ADAT3: variants seen among roughly 807,000 people sequenced by gnomAD.
ADAT3 encodes the protein adenosine deaminase tRNA specific 3, also known as tRNA-specific adenosine-34 deaminase regulatory subunit ADAT3.
ADAT3 carries 2 observed loss-of-function variants against 3.5 expected under a neutral mutation model. The observed-to-expected ratio is 0.57, with a 90% CI of 0.23 to 1.79. The LOEUF (loss-of-function observed/expected upper bound fraction) is 1.79. ADAT3 is among the 40% of genes most tolerant of loss of function. The pLI is 0.18. For missense variants in ADAT3, 735 were observed against 571.4 expected (o/e 1.29, Z -2.92); for synonymous variants, 358 against 270.3 (o/e 1.32, Z -3.18).
intron 1 of ADAT3, among the ~76,000 whole-genome samples, chr19:1,909,951 A>AG (rs999701136): frequency 8.5e-5 from 13 of 152,154 alleles, no homozygotes; most frequent in African/African-American, 2.9e-4. Flanking sequence ...TTGGCCGACT[A>AG]GGGGGCGAGT....
chr19:1,907,583 C>T (rs979767956), intron 1 of ADAT3, among the ~76,000 whole-genome samples: 8 of 152,086 alleles, frequency 5.3e-5, no homozygotes, highest in African/African-American at 1.9e-4. Flanking sequence ...CGGACCTTGG[C>T]CTCCTCATCT....
rs146194023 is a variant in ADAT3, at chr19:1,911,297, G to A, written c.-158-593G>A. On this transcript the variant is annotated intron_variant, in intron 1 of 1. Coordinates refer to ENST00000329478, the MANE Select transcript of ADAT3 (RefSeq NM_138422.4). ...AGTGCTCCTCCTGTTTCAGCTTCTC[G>A]AGTAGCTGAAACCACCGGTGTGTGC... Among the ~76,000 whole-genome samples the A allele has an allele frequency of 1.1e-4, 17 of 151,896 alleles. No homozygotes were observed. In the South Asian group the frequency reaches 2.9e-3, roughly 26 times the overall value.
rs1004845534 is a variant in ADAT3, at chr19:1,908,961, C to T, written c.-158-2929C>T. On this transcript the variant is annotated intron_variant, in intron 1 of 1. Transcript: ENST00000329478. This position sits in a 1 kb window ranked among gnomAD's most constrained non-coding sequence, Gnocchi z 4.2. ...CTCTACTGAAAATACAAAAATTAGC[C>T]GGGCGTGGTGGCATGTGCCTGTATT... Among the ~76,000 whole-genome samples, 3 of 152,022 alleles carry T rather than the reference C, an allele frequency of 2.0e-5. No homozygotes were observed. The highest frequency in any genetic ancestry group is 2.1e-4 in the South Asian group (1 of 4,834).
In ADAT3 at chr19:1,912,548, C is replaced by T. The variant is rs1038237596; in HGVS notation, c.501C>T (p.His167=). Residue 167 remains histidine (H), a synonymous_variant, in exon 2 of 2, where the codon CAC becomes CAT. Transcript: ENST00000329478. ...GGGCCCACTGGCCCACGTCCTTCCA[C>T]GAGGACAAGCAGGTGACCAGCGCCC... ...EARAHWPTSF[H]EDKQVTSALA... is the part of the protein sequence containing the mutation. The T allele has an allele frequency of 6.0e-6, 9 of 1,500,478 alleles. No homozygotes were observed. The Admixed American group carries it at 1.3e-4, about 21-fold the overall frequency. 92.9% of individuals were successfully genotyped at this position (1,500,478 alleles called of 1,614,324 possible).
At chr19:1,907,771 C>T (rs1333677842) in intron 1 of ADAT3, among the ~76,000 whole-genome samples, 2 of 152,094 alleles carry the variant, frequency 1.3e-5, no homozygotes, top group Non-Finnish European at 1.5e-5. Flanking sequence ...GGTCGCCTGC[C>T]TTCTGGGTGG....
Position 1,905,493 on chromosome 19 carries a change from G to A in ADAT3, c.-159+54G>A, listed in dbSNP as rs540046498. On this transcript the variant is annotated intron_variant, in intron 1 of 1. Transcript: ENST00000329478. ...TCTCCAGGCTCAGACTTCCCCAGAG[G>A]GGGAGTAGGGGCTGACATGGGGGGT... 4.4e-4 allele frequency: 192 copies of A among 434,982 alleles called. 3 individuals carry two copies. The East Asian group carries it at 4.9e-3, about 11-fold the overall frequency. The allele number at this position is 434,982 out of a possible 1,614,324, so 26.9% of individuals were successfully genotyped here.
rs774018779 is a variant in ADAT3, at chr19:1,912,820, A to C, written c.773A>C (p.Asp258Ala). The C allele has an allele frequency of 1.4e-5, 23 of 1,587,720 alleles. No individual in the cohort carries two copies. Among genetic ancestry groups the C allele is most frequent in the Non-Finnish European group, 1.9e-5 (22 of 1,174,516 alleles). The change falls in exon 2 of 2, where the codon GAC (aspartate) becomes GCC (alanine). Residue 258 changes from aspartate (D) to alanine (A), a missense_variant. By Grantham distance (126) the Asp-to-Ala change is moderately radical (BLOSUM62 -2). Coordinates refer to ENST00000329478, the MANE Select transcript of ADAT3 (RefSeq NM_138422.4). ...VARGQGRGTY[D>A]FRPFPACSFA... Reference sequence around the variant, plus strand: ...CGCGGCCAGGGCCGCGGCACCTACGACTTCAGACCCTTCCCCGCCTGCTCC... The same window carrying C: ...CGCGGCCAGGGCCGCGGCACCTACGCCTTCAGACCCTTCCCCGCCTGCTCC...
At chr19:1,909,755 G>T (rs759811367) in intron 1 of ADAT3, among the ~76,000 whole-genome samples, 8 of 152,228 alleles carry the variant, frequency 5.3e-5, no homozygotes, top group Non-Finnish European at 8.8e-5. Flanking sequence ...ACTCCAGCCA[G>T]GGCCTCCTCT....
rs2013544838 is a variant in ADAT3 at position 1,912,793 on chromosome 19, C to T, written c.746C>T (p.Ala249Val). ...HAVMVCVDLV[A>V]RGQGRGTYDF... Reference sequence around the variant, plus strand: ...GTCATGGTGTGCGTGGACCTCGTGGCGCGCGGCCAGGGCCGCGGCACCTAC... The same window carrying T: ...GTCATGGTGTGCGTGGACCTCGTGGTGCGCGGCCAGGGCCGCGGCACCTAC... Residue 249 changes from alanine to valine, a missense_variant, in exon 2 of 2, where the codon GCG (alanine) becomes GTG (valine). Physicochemically the swap from Ala to Val is moderately conservative, Grantham distance 64. Coordinates refer to ENST00000329478, the MANE Select transcript of ADAT3 (RefSeq NM_138422.4). The T allele has an allele frequency of 5.7e-6, 9 of 1,572,136 alleles. No homozygotes were observed. Among genetic ancestry groups the T allele is most frequent in the Non-Finnish European group, 6.9e-6 (8 of 1,167,494 alleles).
At chr19:1,905,753 T>A (rs1021779724) in intron 1 of ADAT3, 1 of 152,396 alleles carries the variant, frequency 6.6e-6, no homozygotes, top group South Asian at 2.1e-4. Context: ...ATCCTCCAGC[T>A]GCTTCCGGTG....
rs557735261 is a variant in ADAT3 at position 1,909,319 on chromosome 19, C to T, written c.-158-2571C>T. 5.0e-4 allele frequency among the ~76,000 whole-genome samples: 76 copies of T among 152,262 alleles called. No individual in the cohort carries two copies. In the Middle Eastern group the frequency reaches 0.01, roughly 20 times the overall value. On this transcript the variant is annotated intron_variant, in intron 1 of 1. Coordinates refer to ENST00000329478, the MANE Select transcript of ADAT3 (RefSeq NM_138422.4). ...TGAGCAGTCCCTGCAGGCTGGCTGTCCCCACGCCTGCCTCTCTGCTGTGCT... is the reference window on the plus strand; with the variant it reads ...TGAGCAGTCCCTGCAGGCTGGCTGTTCCCACGCCTGCCTCTCTGCTGTGCT...
Position 1,905,455 on chromosome 19 carries a change from C to G in ADAT3, c.-159+16C>G. 1 of 458,388 alleles carries G rather than the reference C, an allele frequency of 2.2e-6. No homozygotes were observed. Among genetic ancestry groups the G allele is most frequent in the Non-Finnish European group, 4.5e-6 (1 of 221,012 alleles). The allele number at this position is 458,388 out of a possible 1,614,324, so 28.4% of individuals were successfully genotyped here. A position where few individuals can be genotyped will look rare whatever the true frequency, so the allele number is the denominator to read the frequency against. On this transcript the variant is annotated intron_variant, in intron 1 of 1. Coordinates refer to ENST00000329478, the MANE Select transcript of ADAT3 (RefSeq NM_138422.4). ...GATCCCTCAGGTAAGCGCGCGGCCC[C>G]GAGGTCTCGGGTTCTCCAGGCTCAG...
In ADAT3 at chr19:1,913,063, TCCACGCAC is replaced by T; in HGVS notation, c.1017_1024del (p.Ile339MetfsTer121). On this transcript the variant is annotated frameshift_variant, in exon 2 of 2. Transcript: ENST00000329478. LOFTEE classifies it high-confidence loss of function. ...GGCGCCCTGGGCACCCGCTTCCGCA[TCCACGCAC>T]GGCCCGACCTCAACCACCGCTTCCA... 6.2e-7 allele frequency: 1 copy of T among 1,602,806 alleles called. No homozygotes were observed. Among genetic ancestry groups the T allele is most frequent in the Non-Finnish European group, 8.5e-7 (1 of 1,178,866 alleles).
Position 1,913,152 on chromosome 19 carries a change from G to A in ADAT3, c.*1G>A. 6.5e-7 allele frequency: 1 copy of A among 1,538,896 alleles called. No individual in the cohort carries two copies. The highest frequency in any genetic ancestry group is 8.7e-7 in the Non-Finnish European group (1 of 1,145,610). On this transcript the variant is annotated 3_prime_UTR_variant, in exon 2 of 2. Transcript: ENST00000329478. ...CCGCTGGCTGGACCCCGACACGTAG[G>A]CGCCGCCCTCCTGCCTCCGGACCCT...
At position 1,912,685 on chromosome 19, in the gene ADAT3, C is replaced by A; in HGVS notation, c.638C>A (p.Ala213Asp). Reference protein sequence around the residue: ...AAARGLRAVGAVVVDPASDRV... With the variant: ...AAARGLRAVGDVVVDPASDRV... ...GCGCGGGGCTTGCGGGCCGTGGGGG[C>A]CGTGGTAGTGGACCCGGCCTCGGAC... The change falls in exon 2 of 2, where the codon GCC becomes GAC. Residue 213 changes from alanine (A) to aspartate (D), a missense_variant. Transcript: ENST00000329478. 1 of 1,462,004 alleles carries A rather than the reference C, an allele frequency of 6.8e-7. No individual in the cohort carries two copies. 90.6% of individuals were successfully genotyped at this position (1,462,004 alleles called of 1,614,324 possible).
chr19:1,905,505 C>T, intron 1 of ADAT3, 66 bp downstream of exon 1: 1 of 419,468 alleles, frequency 2.4e-6, no homozygotes, highest in East Asian at 1.0e-4. Context: ...GGAGTAGGGG[C>T]TGACATGGGG....
In ADAT3 at chr19:1,913,377, T is replaced by C; in HGVS notation, c.*226T>C. 4.6e-6 allele frequency: 3 copies of C among 650,492 alleles called. No homozygotes were observed. Among genetic ancestry groups the C allele is most frequent in the Non-Finnish European group, 7.9e-6 (3 of 379,348 alleles). 40.3% of individuals were successfully genotyped at this position (650,492 alleles called of 1,614,324 possible). A position where few individuals can be genotyped will look rare whatever the true frequency, so the allele number is the denominator to read the frequency against. The stretch of plus-strand genomic sequence containing the variant: ...GGTGCCCTTCTGCGGCCGCCCTTGC[T>C]GCGTTTGTGTCCCCTCTGTCTCGCG... On this transcript the variant is annotated 3_prime_UTR_variant, in exon 2 of 2. Transcript: ENST00000329478.
At position 1,912,754 on chromosome 19, in the gene ADAT3, C is replaced by T; in HGVS notation, c.707C>T (p.Pro236Leu). ...TGHDCSCADNPLLHAVMVCVD... is the reference protein window; with the variant it reads ...TGHDCSCADNLLLHAVMVCVD... ...CACGACTGCAGCTGCGCGGACAACC[C>T]CCTCCTGCACGCCGTCATGGTGTGC... is the stretch of plus-strand genomic sequence containing the variant. The change falls in exon 2 of 2, where the codon CCC becomes CTC. Residue 236 changes from proline to leucine, a missense_variant. Transcript: ENST00000329478. 1 of 1,551,688 alleles carries T rather than the reference C, an allele frequency of 6.4e-7. No individual in the cohort carries two copies. The highest frequency in any genetic ancestry group is 8.6e-7 in the Non-Finnish European group (1 of 1,156,630).
At position 1,912,512 on chromosome 19, in the gene ADAT3, C is replaced by A. The variant is rs866874255; in HGVS notation, c.465C>A (p.Phe155Leu). The change falls in exon 2 of 2, where the codon TTC becomes TTA. Residue 155 changes from phenylalanine (F) to leucine (L), a missense_variant. Transcript: ENST00000329478. ...PARPPLTRGQ[F>L]EEARAHWPTS... ...GGCCGCCTCTGACCAGGGGCCAGTT[C>A]GAGGAGGCCCGGGCCCACTGGCCCA... 4.0e-6 allele frequency: 6 copies of A among 1,494,134 alleles called. No homozygotes were observed. The highest frequency in any genetic ancestry group is 1.8e-4 in the Middle Eastern group (1 of 5,610). The allele number at this position is 1,494,134 out of a possible 1,614,324, so 92.6% of individuals were successfully genotyped here.
Sources: allele counts gnomAD v4.1 joint callset (sites outside exome capture counted in the v4.1 genomes callset), GRCh38; gene constraint gnomAD v4.1.1; non-coding constraint Gnocchi (gnomAD v3.1); transcripts MANE v1.5; gene names NCBI Gene and HGNC (gene_info 2026-07-23, HGNC 2026-07-21).